The following HCN1 variants were observed in gnomAD, a reference collection of about 807,000 sequenced individuals.
HCN1 encodes the protein hyperpolarization activated cyclic nucleotide gated potassium channel 1.
A neutral mutation model predicts 78.9 loss-of-function variants in HCN1; 13 were observed. That is an observed-to-expected ratio of 0.16 (90% CI 0.11 to 0.26). The LOEUF (loss-of-function observed/expected upper bound fraction) is 0.26. Among genes scored for constraint, HCN1 ranks in the 10% least tolerant of loss-of-function variants. The pLI is 1.00. For synonymous variants in HCN1, 552 were observed against 455.5 expected (o/e 1.21, Z -2.70); for missense variants, 810 against 1,154.3 (o/e 0.70, Z 4.32).
chr5:45,262,417 T>A lies in HCN1; in HGVS notation c.2177A>T (p.Gln726Leu). 6.2e-7 allele frequency: 1 copy of A among 1,611,354 alleles called. No homozygotes were observed. Among genetic ancestry groups the A allele is most frequent in the Non-Finnish European group, 8.5e-7 (1 of 1,179,672 alleles). ...TFHYASPTAS[Q>L]LSLMQQQPQQ... Reference sequence around the variant, plus strand: ...CGGCTGCTGTTGCATGAGTGACAGCTGGGAGGCGGTGGGGGAGGCATAGTG... The same window carrying A: ...CGGCTGCTGTTGCATGAGTGACAGCAGGGAGGCGGTGGGGGAGGCATAGTG... Residue 726 changes from glutamine to leucine, a missense_variant, in exon 8 of 8, where the codon CAG (glutamine) becomes CTG (leucine). Physicochemically the swap from Gln to Leu is moderately radical, Grantham distance 113 (BLOSUM62 -2). Transcript: ENST00000303230.
chr5:45,271,311 T>G (rs555604614), intron 6 of HCN1, among the ~76,000 whole-genome samples: 11 of 150,924 alleles, frequency 7.3e-5, no homozygotes, highest in African/African-American at 2.7e-4. Flanking sequence ...AGAGTGCTGT[T>G]TGGGGCATTG....
intron 4 of HCN1, among the ~76,000 whole-genome samples, chr5:45,357,371 T>C (rs1039780367): frequency 2.6e-5 from 4 of 152,194 alleles, no homozygotes; most frequent in South Asian, 4.1e-4. Context: ...TTGTTTCTTA[T>C]CTTTATTTAA....
chr5:45,315,801 C>A (rs1472941570), intron 5 of HCN1, among the ~76,000 whole-genome samples: 1 of 152,136 alleles, frequency 6.6e-6, no homozygotes, highest in Non-Finnish European at 1.5e-5. Context: ...TGCAAATAAA[C>A]TAGAAAATGT....
At chr5:45,540,904 G>GA (rs370927412) in intron 2 of HCN1, among the ~76,000 whole-genome samples, 2 of 151,806 alleles carry the variant, frequency 1.3e-5, no homozygotes, top group East Asian at 1.9e-4. Flanking sequence ...AATTTACAAA[G>GA]AAAAAAAGTA....
chr5:45,657,030 T>C (rs578049582), intron 1 of HCN1, among the ~76,000 whole-genome samples: 24 of 152,248 alleles, frequency 1.6e-4, no homozygotes, highest in Non-Finnish European at 1.8e-4. Context: ...TGGAGCAGAA[T>C]GGGTGATGTG....
intron 3 of HCN1, among the ~76,000 whole-genome samples, chr5:45,419,170 C>G (rs1035338607): frequency 1.3e-5 from 2 of 152,110 alleles, no homozygotes; most frequent in Admixed American, 6.6e-5. Flanking sequence ...GGACTTTGAG[C>G]TATTATTTCA....
chr5:45,277,377 T>C (rs757783049), intron 6 of HCN1, among the ~76,000 whole-genome samples: 3 of 152,042 alleles, frequency 2.0e-5, no homozygotes, highest in Non-Finnish European at 4.4e-5. Context: ...ACAACAGAAG[T>C]AGTCTCTCTA....
At chr5:45,357,750 T>C (rs373973910) in intron 4 of HCN1, among the ~76,000 whole-genome samples, 1 of 152,088 alleles carries the variant, frequency 6.6e-6, no homozygotes, top group Non-Finnish European at 1.5e-5. Flanking sequence ...ATTTGTGCTA[T>C]GGTTTGGATA....
chr5:45,293,513 G>A (rs991952196), intron 6 of HCN1, among the ~76,000 whole-genome samples: 2 of 150,708 alleles, frequency 1.3e-5, no homozygotes, highest in Admixed American at 6.6e-5. Flanking sequence ...ACAAAACAAA[G>A]CAAAAACCTC....
At chr5:45,459,572 T>C (rs1741102249) in intron 3 of HCN1, among the ~76,000 whole-genome samples, 1 of 151,950 alleles carries the variant, frequency 6.6e-6, no homozygotes, top group South Asian at 2.1e-4. Flanking sequence ...TATAGACATG[T>C]TTAAAGAAAA....
chr5:45,365,688 C>T (rs759988760), intron 4 of HCN1, among the ~76,000 whole-genome samples: 15 of 151,788 alleles, frequency 9.9e-5, no homozygotes, highest in African/African-American at 3.1e-4. Flanking sequence ...TTATTTATTT[C>T]TTTTTGGGTC....
chr5:45,302,745 G>C (rs1417402949), intron 6 of HCN1, among the ~76,000 whole-genome samples: 1 of 151,872 alleles, frequency 6.6e-6, no homozygotes, highest in Non-Finnish European at 1.5e-5. Context: ...GAGGGACCCA[G>C]GGGGAGGTAA....
chr5:45,566,260 A>G (rs1430497754), intron 2 of HCN1, among the ~76,000 whole-genome samples: 1 of 152,048 alleles, frequency 6.6e-6, no homozygotes, highest in African/African-American at 2.4e-5. Context: ...TTTTAGGTTG[A>G]GGTAGGTCTA....
intron 2 of HCN1, among the ~76,000 whole-genome samples, chr5:45,591,983 T>G (rs1285648897): frequency 6.6e-6 from 1 of 151,270 alleles, no homozygotes; most frequent in Non-Finnish European, 1.5e-5. Context: ...AAAATCTGTG[T>G]CTAGATAGAT....
intron 3 of HCN1, among the ~76,000 whole-genome samples, chr5:45,414,767 G>A (rs1446174884): frequency 6.6e-6 from 1 of 151,940 alleles, no homozygotes; most frequent in African/African-American, 2.4e-5. Context: ...CAATACACAG[G>A]TTCCCATTCC....
At chr5:45,558,904 C>G (rs1392247187) in intron 2 of HCN1, 1 of 151,072 alleles carries the variant, frequency 6.6e-6, no homozygotes, top group African/African-American at 2.4e-5. Context: ...AGGTACATAC[C>G]ACCACATCCA....
At chr5:45,573,466 C>T (rs1743874289) in intron 2 of HCN1, among the ~76,000 whole-genome samples, 1 of 130,314 alleles carries the variant, frequency 7.7e-6, no homozygotes, top group African/African-American at 3.3e-5. Context: ...TTTCCAATAA[C>T]CTCCCCCCAC....
chr5:45,374,897 C>CAG (rs1240211264), intron 4 of HCN1, among the ~76,000 whole-genome samples: 5 of 140,502 alleles, frequency 3.6e-5, no homozygotes, highest in South Asian at 2.2e-4. Flanking sequence ...TAGAGAGAGA[C>CAG]AGAGAGAGAG....
At chr5:45,666,516 G>T (rs1211192143) in intron 1 of HCN1, among the ~76,000 whole-genome samples, 1 of 151,976 alleles carries the variant, frequency 6.6e-6, no homozygotes, top group Non-Finnish European at 1.5e-5. Flanking sequence ...ATAGACTGAA[G>T]AAATTACTCT....
Sources: allele counts gnomAD v4.1 joint callset (sites outside exome capture counted in the v4.1 genomes callset), GRCh38; gene constraint gnomAD v4.1.1; transcripts MANE v1.5; gene names NCBI Gene and HGNC (gene_info 2026-07-23, HGNC 2026-07-21).